The following PTPRD variants were observed in gnomAD, a reference collection of about 807,000 sequenced individuals.
The protein encoded by PTPRD is receptor-type tyrosine-protein phosphatase delta.
Under a neutral mutation model 214.5 loss-of-function variants are expected in PTPRD, and 34 were observed. The observed-to-expected ratio is 0.16, with a 90% CI of 0.12 to 0.21. The LOEUF is 0.21. Ranked by LOEUF, PTPRD falls within the 10% of genes least tolerant of loss-of-function variation. The probability of loss-of-function intolerance (pLI) is 1.00; values close to 1 mark genes in which losing one functional copy is unlikely to be tolerated. For synonymous variants in PTPRD, 1,128 were observed against 845.7 expected (o/e 1.33, Z -5.79); for missense variants, 2,545 against 2,398.7 (o/e 1.06, Z -1.27).
chr9:9,723,236 A>C (rs1484562163), intron 7 of PTPRD, among the ~76,000 whole-genome samples: 1 of 152,048 alleles, frequency 6.6e-6, no homozygotes, highest in Non-Finnish European at 1.5e-5. Context: ...ACATAAGACT[A>C]TCCAGTTGTC....
intron 9 of PTPRD, among the ~76,000 whole-genome samples, chr9:9,358,474 A>C (rs1246004636): frequency 6.6e-6 from 1 of 151,360 alleles, no homozygotes; most frequent in Non-Finnish European, 1.5e-5. Context: ...TTCATCCAGG[A>C]AGAATTTGGA....
chr9:10,471,636 T>A (rs1321487380), intron 2 of PTPRD, among the ~76,000 whole-genome samples: 1 of 152,176 alleles, frequency 6.6e-6, no homozygotes, highest in African/African-American at 2.4e-5. Flanking sequence ...ATACACAGTA[T>A]GTGCTAAAAC....
intron 12 of PTPRD, among the ~76,000 whole-genome samples, chr9:8,703,408 C>G (rs1253938661): frequency 1.3e-5 from 2 of 152,222 alleles, no homozygotes. Flanking sequence ...TTTACCCTTT[C>G]AGTTCCACCA....
intron 5 of PTPRD, among the ~76,000 whole-genome samples, chr9:9,843,458 C>T (rs868167656): frequency 2.0e-5 from 3 of 151,862 alleles, no homozygotes; most frequent in South Asian, 2.1e-4. Context: ...CTTATATACT[C>T]TAAACCTTAG....
intron 2 of PTPRD, among the ~76,000 whole-genome samples, chr9:10,367,027 T>C (rs2154474807): frequency 6.6e-6 from 1 of 151,836 alleles, no homozygotes; most frequent in African/African-American, 2.4e-5. Context: ...ACTTGTGTAC[T>C]TTTCTGTATA....
At chr9:9,805,727 A>ATTAC (rs964768462) in intron 5 of PTPRD, among the ~76,000 whole-genome samples, 6 of 152,118 alleles carry the variant, frequency 3.9e-5, no homozygotes, top group Non-Finnish European at 8.8e-5. Flanking sequence ...ATGGTACCTA[A>ATTAC]TTACTCTATT....
intron 5 of PTPRD, among the ~76,000 whole-genome samples, chr9:9,890,728 C>T (rs2073008490): frequency 6.6e-6 from 1 of 152,044 alleles, no homozygotes; most frequent in South Asian, 2.1e-4. Context: ...GGTGCCATTT[C>T]CAGAAACACA....
intron 11 of PTPRD, among the ~76,000 whole-genome samples, chr9:8,889,508 G>A (rs2098519522): frequency 6.6e-6 from 1 of 151,822 alleles, no homozygotes; most frequent in Non-Finnish European, 1.5e-5. Flanking sequence ...GGTGGTTTTT[G>A]GCTACATGGA....
rs574140485 is a variant in PTPRD at position 9,758,933 on chromosome 9, G to A, written c.-326+7877C>T. On this transcript the variant is annotated intron_variant, in intron 6 of 45. Coordinates refer to ENST00000381196, the MANE Select transcript of PTPRD (RefSeq NM_002839.4). ...AACAAAAAGTGACTGAAAAGCTATA[G>A]AATTGTCAAATGTGATTAAGGTAGC... 2.6e-5 allele frequency among the ~76,000 whole-genome samples: 4 copies of A among 152,172 alleles called. No individual in the cohort carries two copies. In the South Asian group the frequency reaches 8.3e-4, roughly 32 times the overall value.
At chr9:8,918,115 C>G (rs2098799540) in intron 11 of PTPRD, among the ~76,000 whole-genome samples, 1 of 152,184 alleles carries the variant, frequency 6.6e-6, no homozygotes. Context: ...CACTCACCTG[C>G]TCGAGCAGCC....
intron 3 of PTPRD, among the ~76,000 whole-genome samples, chr9:10,218,361 T>C (rs1217153207): frequency 6.6e-6 from 1 of 151,994 alleles, no homozygotes; most frequent in Non-Finnish European, 1.5e-5. Context: ...AAAGAAATTG[T>C]TCAGTTACCT....
intron 11 of PTPRD, among the ~76,000 whole-genome samples, chr9:8,815,733 G>A (rs1054643403): frequency 1.3e-5 from 2 of 151,996 alleles, no homozygotes; most frequent in Non-Finnish European, 2.9e-5. Context: ...TACCAACAGT[G>A]TTGATACAAT....
intron 9 of PTPRD, among the ~76,000 whole-genome samples, chr9:9,314,741 G>C (rs891545607): frequency 2.0e-5 from 3 of 151,964 alleles, no homozygotes; most frequent in Non-Finnish European, 4.4e-5. Flanking sequence ...GTGTCGAAAT[G>C]AATGGTTTTT....
At chr9:8,890,714 C>A (rs894539419) in intron 11 of PTPRD, among the ~76,000 whole-genome samples, 1 of 152,156 alleles carries the variant, frequency 6.6e-6, no homozygotes, top group Non-Finnish European at 1.5e-5. Flanking sequence ...GTCTTGTCTT[C>A]CATACCACTG....
chr9:8,609,396 C>T (rs1195697288), intron 14 of PTPRD, among the ~76,000 whole-genome samples: 1 of 152,186 alleles, frequency 6.6e-6, no homozygotes, highest in African/African-American at 2.4e-5. Flanking sequence ...GTGGTTTTGT[C>T]ATCTTTTCTT....
At chr9:9,416,993 T>C (rs1255763812) in intron 8 of PTPRD, among the ~76,000 whole-genome samples, 1 of 152,178 alleles carries the variant, frequency 6.6e-6, no homozygotes, top group Non-Finnish European at 1.5e-5. Context: ...TAACAGCTTA[T>C]GTATACCAAG....
chr9:9,924,103 T>C (rs2083453772), intron 5 of PTPRD, among the ~76,000 whole-genome samples: 1 of 152,052 alleles, frequency 6.6e-6, no homozygotes, highest in Non-Finnish European at 1.5e-5. Flanking sequence ...ATTTATGTAG[T>C]CATAATCATG....
chr9:8,630,181 C>T lies in PTPRD; in HGVS notation c.352+3136G>A, dbSNP rs78922335. Among the ~76,000 whole-genome samples, 1,187 of 151,822 alleles carry T rather than the reference C, an allele frequency of 7.8e-3. 12 individuals carry two copies. The highest frequency in any genetic ancestry group is 0.035 in the East Asian group (180 of 5,142). On this transcript the variant is annotated intron_variant, in intron 14 of 45. Coordinates refer to ENST00000381196, the MANE Select transcript of PTPRD (RefSeq NM_002839.4). ...AAGCAGGGAGAAAGTAAATGATCCA[C>T]GTGGACGAAATGGGAATCTAATGAG...
intron 8 of PTPRD, among the ~76,000 whole-genome samples, chr9:9,516,608 G>C (rs1331830951): frequency 6.6e-6 from 1 of 151,760 alleles, no homozygotes; most frequent in Non-Finnish European, 1.5e-5. Context: ...CACTAACTAA[G>C]CTAACTGCAA....
Sources: allele counts gnomAD v4.1 joint callset (sites outside exome capture counted in the v4.1 genomes callset), GRCh38; gene constraint gnomAD v4.1.1; transcripts MANE v1.5; gene names NCBI Gene and HGNC (gene_info 2026-07-23, HGNC 2026-07-21).